The following ITGA6 variants were observed in gnomAD, a reference collection of about 807,000 sequenced individuals.
The protein encoded by ITGA6 is integrin alpha-6.
In ITGA6, 63 loss-of-function variants were observed where a neutral mutation model predicts 133.6. That is an observed-to-expected ratio of 0.47 (90% CI 0.38 to 0.58). The LOEUF (loss-of-function observed/expected upper bound fraction) is 0.58, where lower values mean the gene tolerates loss of function less well. ITGA6 is among the 20% of genes least tolerant of loss of function. The pLI is 0.00. For synonymous variants in ITGA6, 434 were observed against 482.0 expected, an observed-to-expected ratio of 0.90 and a Z score of 1.30; for missense variants, 1,068 against 1,309.4, an observed-to-expected ratio of 0.82 and a Z score of 2.85.
chr2:172,439,802 C>G (rs113520833), intron 1 of ITGA6, among the ~76,000 whole-genome samples: 2 of 152,334 alleles, frequency 1.3e-5, no homozygotes, highest in African/African-American at 2.4e-5. Context: ...GCCCTGAAAC[C>G]TAGCTGCCCA....
intron 23 of ITGA6, chr2:172,495,342 G>C (rs1010312020): frequency 6.6e-5 from 10 of 152,228 alleles, no homozygotes; most frequent in Middle Eastern, 3.4e-3. Context: ...ATTATTTTTG[G>C]AGTTGTAAAG....
chr2:172,490,126 C>T (rs1246320847), intron 20 of ITGA6, among the ~76,000 whole-genome samples: 1 of 152,190 alleles, frequency 6.6e-6, no homozygotes, highest in Non-Finnish European at 1.5e-5. Flanking sequence ...GTCTCAGGAA[C>T]TATGCTAAGC....
At chr2:172,478,288 T>G (rs961590810) in intron 9 of ITGA6, among the ~76,000 whole-genome samples, 1 of 152,242 alleles carries the variant, frequency 6.6e-6, no homozygotes, top group African/African-American at 2.4e-5. Flanking sequence ...GGACTTGTGC[T>G]CTAGCCTACC....
At chr2:172,485,835 G>A (rs955789648) in intron 13 of ITGA6, among the ~76,000 whole-genome samples, 3 of 152,156 alleles carry the variant, frequency 2.0e-5, no homozygotes, top group Non-Finnish European at 4.4e-5. Context: ...AGGTTAGCCC[G>A]GGCAGCTATG....
At position 172,476,508 on chromosome 2, in the gene ITGA6, T is replaced by C; in HGVS notation, c.1383T>C (p.Ile461=). ...AVGSLSDSVT[I]FRSRPVINIQ... ...GTTCCCTCTCAGATTCAGTAACTAT[T>C]TTCAGGTCTGTTATCTATGATTTTA... The change falls in exon 9 of 26, where the codon ATT becomes ATC. Residue 461 remains isoleucine, a synonymous_variant. Transcript: ENST00000684293. 6.5e-7 allele frequency: 1 copy of C among 1,539,350 alleles called. No individual in the cohort carries two copies. The highest frequency in any genetic ancestry group is 9.0e-7 in the Non-Finnish European group (1 of 1,111,870).
intron 2 of ITGA6, chr2:172,465,987 G>C (rs1333522927): frequency 9.7e-6 from 4 of 411,580 alleles, no homozygotes; most frequent in Middle Eastern, 7.4e-4. Flanking sequence ...ATGAATGAGC[G>C]TATCTTGTAT....
Position 172,499,061 on chromosome 2 carries a change from C to G in ITGA6, c.3114+961C>G, listed in dbSNP as rs191981232. 1.3e-5 allele frequency among the ~76,000 whole-genome samples: 2 copies of G among 152,292 alleles called. 1 individual carries two copies. Among genetic ancestry groups the G allele is most frequent in the East Asian group, 3.9e-4 (2 of 5,184 alleles). ...TGGAGGGTTCTGTATGAACCATCAA[C>G]CCCCTAGGATCAGACTATCCTTTTC... On this transcript the variant is annotated intron_variant, in intron 24 of 25. Coordinates refer to ENST00000684293, the MANE Select transcript of ITGA6 (RefSeq NM_000210.4).
chr2:172,476,511 C>G lies in ITGA6; in HGVS notation c.1386C>G (p.Phe462Leu), dbSNP rs1225569415. 1 of 1,526,004 alleles carries G rather than the reference C, an allele frequency of 6.6e-7. No individual in the cohort carries two copies. The highest frequency in any genetic ancestry group is 9.1e-7 in the Non-Finnish European group (1 of 1,099,842). 94.5% of individuals were successfully genotyped at this position (1,526,004 alleles called of 1,614,324 possible). A position where few individuals can be genotyped will look rare whatever the true frequency, so the allele number is the denominator to read the frequency against. The change falls in exon 9 of 26, where the codon TTC becomes TTG. Residue 462 changes from phenylalanine to leucine, a missense_variant and splice_region_variant. Around this residue, in one of 3 missense-constraint regions of ITGA6, gnomAD observed 317 missense variants for 456.9 expected, o/e 0.69. Coordinates refer to ENST00000684293, the MANE Select transcript of ITGA6 (RefSeq NM_000210.4). ...CCCTCTCAGATTCAGTAACTATTTT[C>G]AGGTCTGTTATCTATGATTTTAGTG... The part of the protein sequence containing the change: ...VGSLSDSVTI[F>L]RSRPVINIQK...
intron 1 of ITGA6, among the ~76,000 whole-genome samples, chr2:172,436,122 T>C (rs1470706512): frequency 1.3e-5 from 2 of 151,966 alleles, no homozygotes; most frequent in Admixed American, 1.3e-4. Flanking sequence ...AAGACCTGGG[T>C]GATGAATGAA....
chr2:172,470,545 T>C (rs1159567629), intron 4 of ITGA6, among the ~76,000 whole-genome samples: 1 of 152,198 alleles, frequency 6.6e-6, no homozygotes, highest in Non-Finnish European at 1.5e-5. Flanking sequence ...AAAGATGAAA[T>C]CTTGGTTAAA....
rs749227031 is a variant in ITGA6, at chr2:172,469,210, G to A, written c.473G>A (p.Ser158Asn). The A allele has an allele frequency of 6.2e-7, 1 of 1,614,194 alleles. No individual in the cohort carries two copies. Among genetic ancestry groups the A allele is most frequent in the South Asian group, 1.1e-5 (1 of 91,084 alleles). ...ATCTTTGGGCGGTGTTATGTCCTGA[G>A]TCAGAATCTCAGGATTGAAGACGAT... is the stretch of plus-strand genomic sequence containing the variant. ...RDIFGRCYVLSQNLRIEDDMD... is the reference protein window; with the variant it reads ...RDIFGRCYVLNQNLRIEDDMD... Residue 158 changes from serine (S) to asparagine (N), a missense_variant, in exon 4 of 26, where the codon AGT (serine) becomes AAT (asparagine). Physicochemically the swap from Ser to Asn is conservative, Grantham distance 46. Around this residue, in one of 3 missense-constraint regions of ITGA6, gnomAD observed 317 missense variants for 456.9 expected, o/e 0.69. Coordinates refer to ENST00000684293, the MANE Select transcript of ITGA6 (RefSeq NM_000210.4).
At chr2:172,475,420 G>A (rs945269987) in intron 7 of ITGA6, among the ~76,000 whole-genome samples, 177 bp from the exon 8 acceptor site, 1 of 151,896 alleles carries the variant, frequency 6.6e-6, no homozygotes, top group East Asian at 1.9e-4. Flanking sequence ...CCAAGATTGC[G>A]CCATTGCACT....
intron 1 of ITGA6, among the ~76,000 whole-genome samples, chr2:172,446,809 C>T (rs1684786120): frequency 1.3e-5 from 2 of 152,184 alleles, no homozygotes; most frequent in South Asian, 4.1e-4. Flanking sequence ...TTCCTTGCTG[C>T]AGTAGACAGT....
chr2:172,470,597 C>CA (rs978037198), intron 4 of ITGA6, among the ~76,000 whole-genome samples: 14 of 150,940 alleles, frequency 9.3e-5, no homozygotes, highest in South Asian at 6.3e-4. Flanking sequence ...TTTTACACTG[C>CA]AAAAAAAAGA....
chr2:172,481,214 C>T (rs1686427452), intron 11 of ITGA6, among the ~76,000 whole-genome samples: 1 of 152,186 alleles, frequency 6.6e-6, no homozygotes. Context: ...AGTGTTCTCC[C>T]TGTTATCTAA....
At position 172,440,484 on chromosome 2, in the gene ITGA6, C is replaced by T. The variant is rs75276643; in HGVS notation, c.182+12514C>T. ...AAGTATATTCACATCATTTCTTGCC[C>T]GGAAATGATGTTGTTTCATATTATG... On this transcript the variant is annotated intron_variant, in intron 1 of 25. Coordinates refer to ENST00000684293, the MANE Select transcript of ITGA6 (RefSeq NM_000210.4). Among the ~76,000 whole-genome samples, 35 of 152,132 alleles carry T rather than the reference C, an allele frequency of 2.3e-4. No individual in the cohort carries two copies. In the East Asian group the frequency reaches 2.3e-3, roughly 10 times the overall value.
intron 24 of ITGA6, among the ~76,000 whole-genome samples, chr2:172,501,145 G>C (rs147320015): frequency 6.1e-4 from 93 of 152,292 alleles, no homozygotes; most frequent in African/African-American, 2.0e-3. Context: ...AACCTGAGGA[G>C]CATTGGGTCC....
intron 1 of ITGA6, among the ~76,000 whole-genome samples, chr2:172,437,858 TC>T (rs1441588394): frequency 6.6e-6 from 1 of 151,708 alleles, no homozygotes; most frequent in Non-Finnish European, 1.5e-5. Context: ...GAGTGTGTGG[TC>T]CTGGAAACCA....
chr2:172,489,524 G>A lies in ITGA6; in HGVS notation c.2545G>A (p.Ala849Thr). ...LGKPLTNLGT[A>T]TLNIQWPKEI... is the part of the protein sequence containing the mutation. ...TAAACCTCTTACAAACCTCGGCACA[G>A]CAACCTTGAACATTCAGTGGCCAAA... Residue 849 changes from alanine to threonine, a missense_variant, in exon 20 of 26, where the codon GCA becomes ACA. Coordinates refer to ENST00000684293, the MANE Select transcript of ITGA6 (RefSeq NM_000210.4). 6.2e-7 allele frequency: 1 copy of A among 1,613,980 alleles called. No homozygotes were observed. Among genetic ancestry groups the A allele is most frequent in the Non-Finnish European group, 8.5e-7 (1 of 1,179,838 alleles).
Sources: gnomAD v4.1 joint callset for allele counts (sites outside exome capture counted in the v4.1 genomes callset) on GRCh38, gnomAD v4.1.1 for gene constraint, gnomAD v4.1.1 regional missense constraint, MANE v1.5 for transcripts, NCBI Gene and HGNC (gene_info 2026-07-23, HGNC 2026-07-21) for gene names.